The following UGT1A6 variants were observed in gnomAD, a reference collection of about 807,000 sequenced individuals.
UGT1A6 encodes UDP-glucuronosyltransferase 1A6.
UGT1A6 carries 32 observed loss-of-function variants against 44.4 expected under a neutral mutation model. The observed-to-expected ratio is 0.72, with a 90% CI of 0.54 to 0.97. The LOEUF is 0.97. UGT1A6 is among the 50% of genes least tolerant of loss of function. UGT1A6 has a pLI of 0.00. For missense variants in UGT1A6, 685 were observed against 661.9 expected (o/e 1.03, Z -0.38); for synonymous variants, 238 against 248.5 (o/e 0.96, Z 0.40).
chr2:233,709,990 G>T (rs1439015971), intron 1 of UGT1A6, among the ~76,000 whole-genome samples: 1 of 152,156 alleles, frequency 6.6e-6, no homozygotes, highest in Admixed American at 6.5e-5. Context: ...CATCTGAATG[G>T]AATCATACAA....
chr2:233,745,665 C>T (rs932654407), intron 1 of UGT1A6, among the ~76,000 whole-genome samples: 2 of 150,144 alleles, frequency 1.3e-5, no homozygotes, highest in South Asian at 4.2e-4. Context: ...GTGAACAAAG[C>T]AATTTGGGAA....
upstream of UGT1A6, chr2:233,692,821 C>T (rs934359609): frequency 1.4e-6 from 2 of 1,433,108 alleles, no homozygotes; most frequent in Non-Finnish European, 1.8e-6. Context: ...TCATATTAAC[C>T]ATGTGATTAA....
chr2:233,729,145 G>A (rs564123639), intron 1 of UGT1A6: 2 of 1,613,490 alleles, frequency 1.2e-6, no homozygotes, highest in African/African-American at 1.3e-5. Flanking sequence ...AGGACTCCAG[G>A]TTCCCCTGCC....
rs116347049 is a variant in UGT1A6 at position 233,716,695 on chromosome 2, T to C, written c.861+22830T>C. The stretch of plus-strand genomic sequence containing the variant: ...ACCCCAAGATATAGTTTCTACATTC[T>C]CTTAAAAACACTAAAGAGTTCCAGT... On this transcript the variant is annotated intron_variant, in intron 1 of 4. Transcript: ENST00000305139. 4.9e-3 allele frequency among the ~76,000 whole-genome samples: 749 copies of C among 152,322 alleles called. 4 individuals carry two copies. The highest frequency in any genetic ancestry group is 0.017 in the African/African-American group (721 of 41,564).
chr2:233,724,295 C>T (rs2077211883), intron 1 of UGT1A6, among the ~76,000 whole-genome samples: 1 of 145,404 alleles, frequency 6.9e-6, no homozygotes, highest in Non-Finnish European at 1.5e-5. Context: ...GGGCTGACCC[C>T]CCCACCTCCC....
intron 1 of UGT1A6, among the ~76,000 whole-genome samples, chr2:233,707,963 C>T (rs982486445): frequency 6.6e-6 from 1 of 152,190 alleles, no homozygotes; most frequent in South Asian, 2.1e-4. Flanking sequence ...TTTGCCCATT[C>T]AAGTCTATTG....
intron 1 of UGT1A6, among the ~76,000 whole-genome samples, chr2:233,728,850 A>T (rs1449608230): frequency 6.6e-6 from 1 of 152,198 alleles, no homozygotes; most frequent in East Asian, 1.9e-4. Flanking sequence ...TGGGAATTGG[A>T]TGAGAAACAA....
At chr2:233,745,894 T>G (rs1160883177) in intron 1 of UGT1A6, among the ~76,000 whole-genome samples, 1 of 150,898 alleles carries the variant, frequency 6.6e-6, no homozygotes, top group African/African-American at 2.5e-5. Context: ...TGGGGTGGCG[T>G]TTTTCAGGGA....
intron 1 of UGT1A6, among the ~76,000 whole-genome samples, chr2:233,748,555 G>A (rs1257442595): frequency 2.6e-5 from 4 of 151,888 alleles, no homozygotes; most frequent in South Asian, 2.1e-4. Flanking sequence ...CTAAGCACTC[G>A]CAGGAAGTAG....
rs769720139 is a variant in UGT1A6 at position 233,772,367 on chromosome 2, C to T, written c.1407C>T (p.Gly469=). Reference sequence around the variant, plus strand: ...TGGAGTTTGTGATGAGGCACAAGGGCGCGCCACACCTGCGCCCCGCAGCCC... The same window carrying T: ...TGGAGTTTGTGATGAGGCACAAGGGTGCGCCACACCTGCGCCCCGCAGCCC... The part of the protein sequence containing the change: ...FWVEFVMRHK[G]APHLRPAAHD... Residue 469 remains glycine, a synonymous_variant, in exon 5 of 5, where the codon GGC becomes GGT. Transcript: ENST00000305139. The T allele has an allele frequency of 1.5e-5, 24 of 1,614,250 alleles. No individual in the cohort carries two copies. Among genetic ancestry groups the T allele is most frequent in the Admixed American group, 1.7e-5 (1 of 60,036 alleles).
In UGT1A6 at chr2:233,703,900, T is replaced by G. The variant is rs556559029; in HGVS notation, c.861+10035T>G. On this transcript the variant is annotated intron_variant, in intron 1 of 4. Transcript: ENST00000305139. ...GTCTACCATCATTTTTTTCTTTTCT[T>G]TTTTTTTTGAGACAAAATCTCATTC... 2.0e-5 allele frequency among the ~76,000 whole-genome samples: 3 copies of G among 151,044 alleles called. No homozygotes were observed. The East Asian group carries it at 5.8e-4, about 29-fold the overall frequency.
intron 4 of UGT1A6, chr2:233,770,791 A>G (rs1255344851): frequency 2.0e-5 from 3 of 152,202 alleles, no homozygotes; most frequent in Admixed American, 6.5e-5. Flanking sequence ...AACATTATAG[A>G]TATGTTTAAA....
At position 233,768,743 on chromosome 2, in the gene UGT1A6, C is replaced by T. The variant is rs540797215; in HGVS notation, c.1301+304C>T. Among the ~76,000 whole-genome samples the T allele has an allele frequency of 5.3e-5, 8 of 151,788 alleles. No homozygotes were observed. In the South Asian group the frequency reaches 1.3e-3, roughly 24 times the overall value. On this transcript the variant is annotated intron_variant, in intron 4 of 4. Coordinates refer to ENST00000305139, the MANE Select transcript of UGT1A6 (RefSeq NM_001072.4). ...GATTACAGGTGTCCACCACCACGCC[C>T]GGTTAATTTTTGTATTTTTTAGTAG...
chr2:233,722,742 T>C (rs1475183265), intron 1 of UGT1A6, among the ~76,000 whole-genome samples: 1 of 152,178 alleles, frequency 6.6e-6, no homozygotes, highest in African/African-American at 2.4e-5. Flanking sequence ...TTTGATGCAG[T>C]GACTGTCTAT....
chr2:233,754,869 C>A (rs1695620043), intron 1 of UGT1A6: 2 of 1,352,824 alleles, frequency 1.5e-6, no homozygotes, highest in South Asian at 2.3e-5. Context: ...AGACCCTCTG[C>A]TTCTGCTTCC....
intron 1 of UGT1A6, among the ~76,000 whole-genome samples, chr2:233,736,572 C>T (rs1006388510): frequency 1.3e-5 from 2 of 152,202 alleles, no homozygotes; most frequent in Non-Finnish European, 2.9e-5. Flanking sequence ...GAGCTGTGAT[C>T]CTTTGGAGGA....
At chr2:233,719,660 C>T (rs1180675848) in intron 1 of UGT1A6, 1 of 1,614,116 alleles carries the variant, frequency 6.2e-7, no homozygotes, top group South Asian at 1.1e-5. Flanking sequence ...GGGGCATCAA[C>T]TGTGCCAACG....
rs2077784718 is a variant in UGT1A6 at position 233,729,074 on chromosome 2, T to G, written c.861+35209T>G. 9 of 1,611,804 alleles carry G rather than the reference T, an allele frequency of 5.6e-6. No individual in the cohort carries two copies. The Admixed American group carries it at 8.3e-5, about 15-fold the overall frequency. ...AGGTAATTAAGATGAAGAAAGCAAATGTAGCAGGCACAGCGTGGGGTGGAC... is the reference window on the plus strand; with the variant it reads ...AGGTAATTAAGATGAAGAAAGCAAAGGTAGCAGGCACAGCGTGGGGTGGAC... On this transcript the variant is annotated intron_variant, in intron 1 of 4. Transcript: ENST00000305139.
At chr2:233,765,895 T>C (rs988320482) in intron 1 of UGT1A6, among the ~76,000 whole-genome samples, 1 of 152,066 alleles carries the variant, frequency 6.6e-6, no homozygotes, top group Non-Finnish European at 1.5e-5. Flanking sequence ...AGTGCGCCAC[T>C]GCTCAAACCT....
Sources: gnomAD v4.1 joint callset for allele counts (sites outside exome capture counted in the v4.1 genomes callset) on GRCh38, gnomAD v4.1.1 for gene constraint, MANE v1.5 for transcripts, NCBI Gene and HGNC (gene_info 2026-07-23, HGNC 2026-07-21) for gene names.